Variants in DHRS3 observed in about 807,000 individuals in gnomAD.
DHRS3 encodes the protein short-chain dehydrogenase/reductase 3.
A neutral mutation model predicts 27.2 loss-of-function variants in DHRS3; 14 were observed. The ratio of observed to expected loss-of-function variants is 0.52; its 90% CI spans 0.34 to 0.81. DHRS3 has a LOEUF of 0.81. Ranked by LOEUF, DHRS3 falls within the 30% of genes least tolerant of loss-of-function variation. DHRS3 has a pLI of 0.01. For missense variants in DHRS3, 322 were observed against 406.2 expected (o/e 0.79, Z 1.78); for synonymous variants, 165 against 175.9 (o/e 0.94, Z 0.49).
intron 1 of DHRS3, among the ~76,000 whole-genome samples, chr1:12,588,692 TC>T (rs1366046811): frequency 3.3e-5 from 5 of 152,214 alleles, no homozygotes; most frequent in Non-Finnish European, 1.5e-5. Flanking sequence ...GTGCCCCTTC[TC>T]TACCCAGCCT....
Position 12,591,117 on chromosome 1 carries a change from A to G in DHRS3, c.196-10451T>C, listed in dbSNP as rs529828351. On this transcript the variant is annotated intron_variant, in intron 1 of 5. Transcript: ENST00000616661. This position sits in a 1 kb window ranked among gnomAD's most constrained non-coding sequence, Gnocchi z 4.1. Reference sequence around the variant, plus strand: ...ACCCCAGCAGGGTTCTGGATCTTCCATCAGCAAGGGGGATCTATATCTGTT... The same window carrying G: ...ACCCCAGCAGGGTTCTGGATCTTCCGTCAGCAAGGGGGATCTATATCTGTT... 6.6e-6 allele frequency among the ~76,000 whole-genome samples: 1 copy of G among 152,356 alleles called. No individual in the cohort carries two copies. Among genetic ancestry groups the G allele is most frequent in the East Asian group, 1.9e-4 (1 of 5,186 alleles).
At chr1:12,579,062 G>A (rs1478954919) in intron 3 of DHRS3, 106 bp from the exon 4 acceptor site, 1 of 1,264,932 alleles carries the variant, frequency 7.9e-7, no homozygotes, top group Admixed American at 2.0e-5. Flanking sequence ...ATGCTCTAGG[G>A]CCCGAGCCTT....
At chr1:12,568,548 T>C in intron 5 of DHRS3, 124 bp from the exon 6 acceptor site, 2 of 838,260 alleles carry the variant, frequency 2.4e-6, no homozygotes, top group South Asian at 2.9e-5. Context: ...TCCCCACACC[T>C]CCAAGCCACA....
chr1:12,609,806 T>G (rs1646894716), intron 1 of DHRS3, among the ~76,000 whole-genome samples: 1 of 151,998 alleles, frequency 6.6e-6, no homozygotes, highest in African/African-American at 2.4e-5. Flanking sequence ...CAGTTCTTCC[T>G]CCCCACTCAC....
intron 1 of DHRS3, among the ~76,000 whole-genome samples, chr1:12,581,969 G>A (rs114397486): frequency 0.026 from 3,898 of 152,206 alleles, 71 homozygotes; most frequent in South Asian, 0.044. Flanking sequence ...AAACCCCAAC[G>A]CGTGAAACCT....
chr1:12,584,422 G>T (rs1380775638), intron 1 of DHRS3, among the ~76,000 whole-genome samples: 1 of 151,940 alleles, frequency 6.6e-6, no homozygotes, highest in Non-Finnish European at 1.5e-5. Flanking sequence ...GCCCCAGGCG[G>T]GCTGGGGAAC....
rs190763883 is a variant in DHRS3 at position 12,578,120 on chromosome 1, C to G, written c.698+598G>C. The stretch of plus-strand genomic sequence containing the variant: ...TGCACCCTATGTCTCAAGCTCCCTT[C>G]GCCCTGCACGACGCTGTGGAGGTGC... On this transcript the variant is annotated intron_variant, in intron 4 of 5. Transcript: ENST00000616661. The surrounding 1 kb of genome is among the most constrained non-coding windows in gnomAD (Gnocchi z 4.5). Among the ~76,000 whole-genome samples, 1 of 151,840 alleles carries G rather than the reference C, an allele frequency of 6.6e-6. No individual in the cohort carries two copies. The highest frequency in any genetic ancestry group is 1.5e-5 in the Non-Finnish European group (1 of 67,956).
chr1:12,575,130 C>T (rs966222265), intron 4 of DHRS3, among the ~76,000 whole-genome samples: 6 of 152,016 alleles, frequency 3.9e-5, no homozygotes, highest in Non-Finnish European at 8.8e-5. Context: ...AGTTCAAGAC[C>T]AGCCTGGGCA....
chr1:12,614,702 CTTTTTT>C (rs70987260), intron 1 of DHRS3, among the ~76,000 whole-genome samples: 2,213 of 92,710 alleles, frequency 0.024, 64 homozygotes, highest in African/African-American at 0.092. Context: ...CTCTGGTACA[CTTTTTT>C]TTTTTTTTTT....
chr1:12,572,647 G>T, intron 5 of DHRS3, 81 bp downstream of exon 5: 1 of 1,536,296 alleles, frequency 6.5e-7, no homozygotes, highest in Non-Finnish European at 8.8e-7. Context: ...CACTCCTCAT[G>T]CTCATGCCCG....
At chr1:12,582,485 C>G (rs1343015851) in intron 1 of DHRS3, among the ~76,000 whole-genome samples, 1 of 152,212 alleles carries the variant, frequency 6.6e-6, no homozygotes, top group Non-Finnish European at 1.5e-5. Flanking sequence ...GGTACAAGTC[C>G]TTCAAAGGCA....
chr1:12,575,441 A>G (rs1328833290), intron 4 of DHRS3, among the ~76,000 whole-genome samples: 1 of 152,116 alleles, frequency 6.6e-6, no homozygotes, highest in Non-Finnish European at 1.5e-5. Flanking sequence ...ATGTCTTCAC[A>G]TTTAACCCAT....
rs1311022121 is a variant in DHRS3 at position 12,593,373 on chromosome 1, T to G, written c.196-12707A>C. On this transcript the variant is annotated intron_variant, in intron 1 of 5. Coordinates refer to ENST00000616661, the MANE Select transcript of DHRS3 (RefSeq NM_004753.7). The surrounding 1 kb of genome is among the most constrained non-coding windows in gnomAD (Gnocchi z 4.6). ...TTTCTTTTTAAAAAATTATTATGAT[T>G]ATTATTATTTGTAGAGACGGGGGTA... Among the ~76,000 whole-genome samples, 1 of 152,040 alleles carries G rather than the reference T, an allele frequency of 6.6e-6. No individual in the cohort carries two copies. Among genetic ancestry groups the G allele is most frequent in the African/African-American group, 2.4e-5 (1 of 41,374 alleles).
At chr1:12,576,316 A>T (rs1646587267) in intron 4 of DHRS3, among the ~76,000 whole-genome samples, 1 of 151,790 alleles carries the variant, frequency 6.6e-6, no homozygotes, top group Admixed American at 6.6e-5. Flanking sequence ...TAATCCCAGC[A>T]CTTTGGGAGG....
intron 1 of DHRS3, among the ~76,000 whole-genome samples, chr1:12,615,252 G>T (rs1646937080): frequency 6.6e-6 from 1 of 152,186 alleles, no homozygotes; most frequent in African/African-American, 2.4e-5. Context: ...GAGCACTGCT[G>T]GTCATCCTGA....
At chr1:12,613,988 C>G (rs1646927337) in intron 1 of DHRS3, among the ~76,000 whole-genome samples, 1 of 152,136 alleles carries the variant, frequency 6.6e-6, no homozygotes, top group Non-Finnish European at 1.5e-5. Flanking sequence ...CCAGGCTGGT[C>G]TCGAACTCCT....
chr1:12,571,758 T>C (rs773097475), intron 5 of DHRS3, among the ~76,000 whole-genome samples: 1 of 152,128 alleles, frequency 6.6e-6, no homozygotes, highest in Non-Finnish European at 1.5e-5. Context: ...GGTCTCGAAC[T>C]CCCAACCTCA....
intron 1 of DHRS3, among the ~76,000 whole-genome samples, chr1:12,581,969 G>T (rs114397486): frequency 6.6e-6 from 1 of 152,094 alleles, no homozygotes; most frequent in African/African-American, 2.4e-5. Context: ...AAACCCCAAC[G>T]CGTGAAACCT....
At chr1:12,590,332 T>C (rs1413354265) in intron 1 of DHRS3, among the ~76,000 whole-genome samples, 1 of 152,146 alleles carries the variant, frequency 6.6e-6, no homozygotes, top group African/African-American at 2.4e-5. Flanking sequence ...TGCTTTGAGA[T>C]GATGTTTCAC....
Sources: gnomAD v4.1 joint callset for allele counts (sites outside exome capture counted in the v4.1 genomes callset) on GRCh38, gnomAD v4.1.1 for gene constraint, Gnocchi (gnomAD v3.1) non-coding constraint, MANE v1.5 for transcripts, NCBI Gene and HGNC (gene_info 2026-07-23, HGNC 2026-07-21) for gene names.